Variants in DNAJC6 observed in about 807,000 individuals in gnomAD.
DNAJC6 encodes the protein auxilin.
Under a neutral mutation model 110.0 loss-of-function variants are expected in DNAJC6, and 34 were observed. The observed-to-expected ratio is 0.31, with a 90% CI of 0.24 to 0.41. The LOEUF (loss-of-function observed/expected upper bound fraction) is 0.41. Ranked by LOEUF, DNAJC6 falls within the 10% of genes least tolerant of loss-of-function variation. DNAJC6 has a pLI of 1.00. For synonymous variants in DNAJC6, 406 were observed against 437.2 expected (o/e 0.93, Z 0.89); for missense variants, 1,031 against 1,207.8 (o/e 0.85, Z 2.17).
At chr1:65,381,146 T>G (rs1645818156) in intron 5 of DNAJC6, among the ~76,000 whole-genome samples, 1 of 151,792 alleles carries the variant, frequency 6.6e-6, no homozygotes, top group Non-Finnish European at 1.5e-5. Flanking sequence ...CTCGATCTCT[T>G]GACCTCATGA....
At chr1:65,305,112 C>T (rs561148785), upstream of DNAJC6, among the ~76,000 whole-genome samples, 25 of 152,314 alleles carry the variant, frequency 1.6e-4, no homozygotes, top group African/African-American at 3.6e-4. Flanking sequence ...ATTGAAGAGA[C>T]GCATTTTAGA....
chr1:65,326,743 T>C (rs1331437339), intron 1 of DNAJC6, among the ~76,000 whole-genome samples: 1 of 152,228 alleles, frequency 6.6e-6, no homozygotes, highest in Non-Finnish European at 1.5e-5. Flanking sequence ...TATTGTCTTC[T>C]CTGTGTACAT....
At chr1:65,356,516 A>G (rs1164994444) in intron 1 of DNAJC6, among the ~76,000 whole-genome samples, 1 of 151,972 alleles carries the variant, frequency 6.6e-6, no homozygotes, top group Non-Finnish European at 1.5e-5. Context: ...GTGAGCCGAG[A>G]CTGCACCACT....
chr1:65,350,287 A>G (rs1194897696), intron 1 of DNAJC6, among the ~76,000 whole-genome samples: 2 of 152,152 alleles, frequency 1.3e-5, no homozygotes, highest in African/African-American at 2.4e-5. Flanking sequence ...TGTTAAGATC[A>G]TTTAGCAAAA....
intron 1 of DNAJC6, among the ~76,000 whole-genome samples, chr1:65,287,980 T>G (rs1654077591): frequency 6.6e-6 from 1 of 152,232 alleles, no homozygotes; most frequent in South Asian, 2.1e-4. Context: ...ACTGAGAATG[T>G]AAATGCTTAT....
chr1:65,413,453 T>A lies in DNAJC6; in HGVS notation c.*428T>A, dbSNP rs1322579866. On this transcript the variant is annotated 3_prime_UTR_variant, in exon 19 of 19. Transcript: ENST00000371069. ...TTTCTAGATTTTTCTTGGAAAGATA[T>A]AATTTGAGCAGTGGCTTTATGCAGA... is the stretch of plus-strand genomic sequence containing the variant. 1 of 154,862 alleles carries A rather than the reference T, an allele frequency of 6.5e-6. No individual in the cohort carries two copies. The highest frequency in any genetic ancestry group is 1.9e-4 in the East Asian group (1 of 5,240). The allele number at this position is 154,862 out of a possible 1,614,324, so 9.6% of individuals were successfully genotyped here.
Position 65,401,757 on chromosome 1 carries a change from T to C in DNAJC6, c.2108-4T>C. ...CATTTTCAATGACCTTATTTCCTTT[T>C]CAGGAGGCTTTGGAATGGGAAGCAA... On this transcript the variant is annotated splice_region_variant and splice_polypyrimidine_tract_variant and intron_variant, in intron 14 of 18. Transcript: ENST00000371069. 1 of 1,610,146 alleles carries C rather than the reference T, an allele frequency of 6.2e-7. No homozygotes were observed. The highest frequency in any genetic ancestry group is 1.1e-5 in the South Asian group (1 of 90,736).
intron 15 of DNAJC6, among the ~76,000 whole-genome samples, chr1:65,404,472 T>G (rs1035507009): frequency 1.3e-5 from 2 of 152,360 alleles, no homozygotes; most frequent in Non-Finnish European, 2.9e-5. Context: ...TATCCTGTTT[T>G]CAGCTATATT....
chr1:65,377,564 T>A (rs1476381551), intron 4 of DNAJC6, among the ~76,000 whole-genome samples: 1 of 152,164 alleles, frequency 6.6e-6, no homozygotes, highest in Non-Finnish European at 1.5e-5. Flanking sequence ...CATACTTGTC[T>A]CTCCTAAAGG....
chr1:65,404,199 C>G (rs1646054784), intron 15 of DNAJC6, among the ~76,000 whole-genome samples: 1 of 152,116 alleles, frequency 6.6e-6, no homozygotes, highest in Admixed American at 6.6e-5. Context: ...GAAGACAAGC[C>G]CTGTCATTAC....
chr1:65,411,524 A>C (rs1646128629), intron 18 of DNAJC6, 98 bp downstream of exon 18: 1 of 1,167,218 alleles, frequency 8.6e-7, no homozygotes, highest in South Asian at 1.9e-5. Context: ...CATATGGCCT[A>C]TTTTTAATAA....
intron 13 of DNAJC6, among the ~76,000 whole-genome samples, chr1:65,396,327 T>C (rs910775985): frequency 6.6e-6 from 1 of 152,172 alleles, no homozygotes; most frequent in Non-Finnish European, 1.5e-5. Context: ...GTCATGTCAT[T>C]GCTCTGCTCA....
chr1:65,364,849 C>A, intron 2 of DNAJC6, 64 bp downstream of exon 2: 1 of 1,579,956 alleles, frequency 6.3e-7, no homozygotes, highest in Non-Finnish European at 8.6e-7. Flanking sequence ...TGGTTACCTG[C>A]TGACTGCTTG....
chr1:65,384,124 C>A, intron 5 of DNAJC6, 69 bp from the exon 6 acceptor site: 1 of 1,342,114 alleles, frequency 7.5e-7, no homozygotes, highest in Non-Finnish European at 9.7e-7. Context: ...ATTGCAAATT[C>A]TGCCATTTTC....
chr1:65,412,699 T>A, intron 18 of DNAJC6, among the ~76,000 whole-genome samples: 1 of 152,216 alleles, frequency 6.6e-6, no homozygotes, highest in East Asian at 1.9e-4. Flanking sequence ...CTCTGTTGTC[T>A]ACTTCTTGAT....
At chr1:65,310,057 G>A in intron 1 of DNAJC6, 119 bp downstream of exon 1, 1 of 1,206,122 alleles carries the variant, frequency 8.3e-7, no homozygotes, top group Non-Finnish European at 1.1e-6. Context: ...GAGCCGGGCT[G>A]GAGGCGAAGG....
At chr1:65,335,449 G>C (rs767501843) in intron 1 of DNAJC6, among the ~76,000 whole-genome samples, 5 of 151,862 alleles carry the variant, frequency 3.3e-5, no homozygotes, top group East Asian at 1.9e-4. Flanking sequence ...TTTTGTAGTA[G>C]ATAGAGACAG....
rs1349745997 is a variant in DNAJC6 at position 65,414,585 on chromosome 1, T to C, written c.*1560T>C. 2 of 152,668 alleles carry C rather than the reference T, an allele frequency of 1.3e-5. No individual in the cohort carries two copies. The highest frequency in any genetic ancestry group is 4.8e-5 in the African/African-American group (2 of 41,460). 9.5% of individuals were successfully genotyped at this position (152,668 alleles called of 1,614,324 possible). On this transcript the variant is annotated 3_prime_UTR_variant, in exon 19 of 19. Transcript: ENST00000371069. ...TTTAGGTTCTACATAGATCTCTTTC[T>C]CTCTTTTGTTTTGTTTGTTTGTTTG... is the stretch of plus-strand genomic sequence containing the variant.
chr1:65,398,715 G>T (rs1646002511), intron 13 of DNAJC6, 98 bp from the exon 14 acceptor site: 13 of 1,233,648 alleles, frequency 1.1e-5, no homozygotes, highest in Non-Finnish European at 1.3e-5. Context: ...CTGGGGCCAT[G>T]CAGGCTTCAG....
Sources: gnomAD v4.1 joint callset for allele counts (sites outside exome capture counted in the v4.1 genomes callset) on GRCh38, gnomAD v4.1.1 for gene constraint, MANE v1.5 for transcripts, NCBI Gene and HGNC (gene_info 2026-07-23, HGNC 2026-07-21) for gene names.